The following PRUNE2 variants were observed in gnomAD, a reference collection of about 807,000 sequenced individuals.
PRUNE2 encodes protein prune homolog 2.
In PRUNE2, 164 loss-of-function variants were observed where a neutral mutation model predicts 252.0. The observed-to-expected ratio is 0.65, with a 90% CI of 0.57 to 0.74. The LOEUF is 0.74. Among genes scored for constraint, PRUNE2 ranks in the 30% least tolerant of loss-of-function variants. The pLI is 0.00. For missense variants in PRUNE2, 3,495 were observed against 3,711.0 expected (o/e 0.94, Z 1.51); for synonymous variants, 1,292 against 1,350.2 (o/e 0.96, Z 0.94).
rs1028779481 is a variant in PRUNE2, at chr9:76,890,805, C to A, written c.36+15123G>T. Among the ~76,000 whole-genome samples, 19 of 152,244 alleles carry A rather than the reference C, an allele frequency of 1.2e-4. No individual in the cohort carries two copies. The East Asian group carries it at 3.7e-3, about 29-fold the overall frequency. On this transcript the variant is annotated intron_variant, in intron 1 of 18. Transcript: ENST00000376718. The stretch of plus-strand genomic sequence containing the variant: ...TAAGTTTTCAGGGCAAGTATCAACC[C>A]AAAATTCTCACCAATACAGAATTAC...
rs780008230 is a variant in PRUNE2 at position 76,706,572 on chromosome 9, T to A, written c.5702A>T (p.Lys1901Met). 53 of 1,613,784 alleles carry A rather than the reference T, an allele frequency of 3.3e-5. No homozygotes were observed. Among genetic ancestry groups the A allele is most frequent in the Non-Finnish European group, 4.3e-5 (51 of 1,179,790 alleles). The stretch of plus-strand genomic sequence containing the variant: ...GTTCCAGAGTTGCTCATGGGAGTTC[T>A]TCCCATTACCTTCCAGAAAGGGTGA... ...HQSPFLEGNG[K>M]NSHEQLWNIQ... Residue 1901 changes from lysine (K) to methionine (M), a missense_variant, in exon 8 of 19, where the codon AAG becomes ATG. Coordinates refer to ENST00000376718, the MANE Select transcript of PRUNE2 (RefSeq NM_015225.3).
At chr9:76,790,940 A>AT (rs761480998) in intron 6 of PRUNE2, among the ~76,000 whole-genome samples, 2 of 152,224 alleles carry the variant, frequency 1.3e-5, no homozygotes, top group Admixed American at 6.5e-5. Context: ...AGAAAAGCAC[A>AT]TTTTACTACT....
At chr9:76,799,691 A>C (rs561501575) in intron 6 of PRUNE2, among the ~76,000 whole-genome samples, 1 of 152,226 alleles carries the variant, frequency 6.6e-6, no homozygotes, top group African/African-American at 2.4e-5. Context: ...TTTCTGCTCC[A>C]ACAAGAAGGC....
At chr9:76,821,167 A>C (rs2058019528) in intron 6 of PRUNE2, among the ~76,000 whole-genome samples, 1 of 152,186 alleles carries the variant, frequency 6.6e-6, no homozygotes, top group African/African-American at 2.4e-5. Context: ...AAAAATAGTG[A>C]ATCTGTAAGA....
At chr9:76,802,126 A>C (rs545210887) in intron 6 of PRUNE2, among the ~76,000 whole-genome samples, 1 of 152,184 alleles carries the variant, frequency 6.6e-6, no homozygotes, top group Non-Finnish European at 1.5e-5. Context: ...TTTTAAACAC[A>C]ATTAAAAAAT....
chr9:76,861,169 C>T (rs753262107), intron 1 of PRUNE2, among the ~76,000 whole-genome samples: 5 of 152,192 alleles, frequency 3.3e-5, no homozygotes, highest in African/African-American at 2.4e-5. Context: ...TGTCCAGAGG[C>T]GAGGCAAACA....
At chr9:76,654,506 G>T (rs1848527406) in intron 10 of PRUNE2, among the ~76,000 whole-genome samples, 1 of 152,164 alleles carries the variant, frequency 6.6e-6, no homozygotes, top group African/African-American at 2.4e-5. Flanking sequence ...TGATGAAAAG[G>T]TTCTATATTT....
At chr9:76,895,995 T>C (rs1378471471) in intron 1 of PRUNE2, among the ~76,000 whole-genome samples, 1 of 152,182 alleles carries the variant, frequency 6.6e-6, no homozygotes, top group Non-Finnish European at 1.5e-5. Flanking sequence ...CAGGCTGGTC[T>C]TGAATTCCTG....
At chr9:76,837,883 T>C (rs978221843) in intron 4 of PRUNE2, among the ~76,000 whole-genome samples, 24 of 151,524 alleles carry the variant, frequency 1.6e-4, no homozygotes, top group Non-Finnish European at 3.1e-4. Flanking sequence ...GCCATTCTCC[T>C]GCCTCAGCCT....
chr9:76,630,332 A>G (rs1023415117), intron 15 of PRUNE2, among the ~76,000 whole-genome samples: 15 of 151,642 alleles, frequency 9.9e-5, no homozygotes, highest in Admixed American at 3.3e-4. Flanking sequence ...ATATGTTCCA[A>G]TAATTGGATT....
Position 76,671,273 on chromosome 9 carries a change from C to T in PRUNE2, c.8277-15771G>A, listed in dbSNP as rs1405233506. 1.0e-4 allele frequency among the ~76,000 whole-genome samples: 15 copies of T among 145,420 alleles called. 1 individual carries two copies. The highest frequency in any genetic ancestry group is 1.8e-4 in the African/African-American group (7 of 39,348). ...TGAAGAATGCAGAAGCCTCAGGAGC[C>T]GATGCGATCAACTGGAAGAAAGGGT... On this transcript the variant is annotated intron_variant, in intron 9 of 18. Transcript: ENST00000376718.
intron 18 of PRUNE2, among the ~76,000 whole-genome samples, chr9:76,617,577 T>A (rs1587646806): frequency 1.3e-5 from 2 of 152,000 alleles, no homozygotes; most frequent in South Asian, 4.1e-4. Flanking sequence ...CACACTGTGA[T>A]CTTGTGCCTC....
chr9:76,780,155 C>A (rs1201229327), intron 6 of PRUNE2, among the ~76,000 whole-genome samples: 1 of 152,054 alleles, frequency 6.6e-6, no homozygotes, highest in Non-Finnish European at 1.5e-5. Context: ...TATGTAAGAT[C>A]CAAGAAGTAC....
chr9:76,863,878 G>A (rs1158812823), intron 1 of PRUNE2, among the ~76,000 whole-genome samples: 5 of 152,200 alleles, frequency 3.3e-5, no homozygotes, highest in Admixed American at 6.5e-5. Context: ...GCGGAAAGCA[G>A]CTTGGAGATT....
chr9:76,700,587 C>T (rs2045794133), intron 9 of PRUNE2, among the ~76,000 whole-genome samples: 1 of 152,072 alleles, frequency 6.6e-6, no homozygotes, highest in Non-Finnish European at 1.5e-5. Flanking sequence ...TTCATAAGCC[C>T]CTTCTGTCAT....
At chr9:76,785,174 G>C (rs2054845960) in intron 6 of PRUNE2, 1 of 152,068 alleles carries the variant, frequency 6.6e-6, no homozygotes, top group South Asian at 2.1e-4. Context: ...GTAATTCCTT[G>C]AACATGTCAG....
rs777949762 is a variant in PRUNE2, at chr9:76,788,346, A to G, written c.756+35286T>C. 5 of 698,894 alleles carry G rather than the reference A, an allele frequency of 7.2e-6. No individual in the cohort carries two copies. The Admixed American group carries it at 1.1e-4, about 15-fold the overall frequency. 43.3% of individuals were successfully genotyped at this position (698,894 alleles called of 1,614,324 possible). On this transcript the variant is annotated intron_variant, in intron 6 of 18. Coordinates refer to ENST00000376718, the MANE Select transcript of PRUNE2 (RefSeq NM_015225.3). ...AGTTACCACAAGTAAATGATTGTGA[A>G]TTCAGTTGATAGTTATTATATATAC...
intron 1 of PRUNE2, 40 bp downstream of exon 1, chr9:76,905,888 C>A: frequency 6.3e-7 from 1 of 1,598,978 alleles, no homozygotes; most frequent in Non-Finnish European, 8.6e-7. Context: ...CATTAGCATA[C>A]GCGCGCGCGC....
chr9:76,735,197 T>C (rs543860760), intron 6 of PRUNE2, among the ~76,000 whole-genome samples: 5 of 152,226 alleles, frequency 3.3e-5, no homozygotes, highest in African/African-American at 1.2e-4. Context: ...CAGTTTGTTG[T>C]TTTCCTTAAG....
Sources: gnomAD v4.1 joint callset for allele counts (sites outside exome capture counted in the v4.1 genomes callset) on GRCh38, gnomAD v4.1.1 for gene constraint, MANE v1.5 for transcripts, NCBI Gene and HGNC (gene_info 2026-07-23, HGNC 2026-07-21) for gene names.